The following MYO1E variants were observed in gnomAD, a reference collection of about 807,000 sequenced individuals.
MYO1E encodes the protein unconventional myosin-Ie.
MYO1E carries 68 observed loss-of-function variants against 151.1 expected under a neutral mutation model. The observed-to-expected ratio is 0.45, with a 90% CI of 0.37 to 0.55. MYO1E has a LOEUF of 0.55. MYO1E is among the 20% of genes least tolerant of loss of function. MYO1E has a pLI of 0.00. For synonymous variants in MYO1E, 601 were observed against 501.7 expected, an observed-to-expected ratio of 1.20 and a Z score of -2.64; for missense variants, 1,363 against 1,389.3, an observed-to-expected ratio of 0.98 and a Z score of 0.30.
At chr15:59,276,419 G>A (rs1160983935) in intron 1 of MYO1E, among the ~76,000 whole-genome samples, 1 of 152,170 alleles carries the variant, frequency 6.6e-6, no homozygotes, top group African/African-American at 2.4e-5. Flanking sequence ...ACAAAGGGAG[G>A]AGGGCAGTGG....
chr15:59,308,564 T>C lies in MYO1E; in HGVS notation c.4-36115A>G, dbSNP rs368335889. Among the ~76,000 whole-genome samples, 23 of 150,338 alleles carry C rather than the reference T, an allele frequency of 1.5e-4. No homozygotes were observed. In the East Asian group the frequency reaches 4.3e-3, roughly 28 times the overall value. On this transcript the variant is annotated intron_variant, in intron 1 of 27. Transcript: ENST00000288235. The stretch of plus-strand genomic sequence containing the variant: ...GCCCACACCTGTAATCCCAGCTACA[T>C]GGGAGGCTGAGGCAGGAGAATCACT...
rs554054411 is a variant in MYO1E, at chr15:59,209,601, G to C, written c.1363-753C>G. On this transcript the variant is annotated intron_variant, in intron 13 of 27. Transcript: ENST00000288235. ...TGAGACAGGAGAATCGCTTGAACCC[G>C]GGAGGTGGAGGTTACAGTGAGCCAA... 3.9e-5 allele frequency among the ~76,000 whole-genome samples: 6 copies of C among 151,962 alleles called. No individual in the cohort carries two copies. The South Asian group carries it at 1.0e-3, about 26-fold the overall frequency.
chr15:59,356,629 GTC>G (rs536174858), intron 1 of MYO1E, among the ~76,000 whole-genome samples: 1 of 152,112 alleles, frequency 6.6e-6, no homozygotes. Context: ...CTGAAACAGG[GTC>G]TCTCTCTGCA....
chr15:59,314,791 C>T (rs1339971229), intron 1 of MYO1E, among the ~76,000 whole-genome samples: 12 of 152,134 alleles, frequency 7.9e-5, no homozygotes, highest in African/African-American at 2.9e-4. Context: ...AAATAACTCT[C>T]TGGCCTAAAA....
chr15:59,362,377 T>C (rs1487351832), intron 1 of MYO1E, among the ~76,000 whole-genome samples: 2 of 152,206 alleles, frequency 1.3e-5, no homozygotes, highest in Non-Finnish European at 2.9e-5. Flanking sequence ...ATTTAGATTG[T>C]TCCTGTTTTG....
intron 4 of MYO1E, among the ~76,000 whole-genome samples, chr15:59,243,758 T>A (rs2080113713): frequency 6.6e-6 from 1 of 152,118 alleles, no homozygotes. Flanking sequence ...ATTTATTACC[T>A]CACGCAGAGT....
chr15:59,180,950 T>C (rs1411289944), intron 18 of MYO1E, among the ~76,000 whole-genome samples: 1 of 152,222 alleles, frequency 6.6e-6, no homozygotes, highest in Non-Finnish European at 1.5e-5. Context: ...CAGCTCCTCT[T>C]TCTGCCTGGA....
At chr15:59,191,322 CAGACAG>C (rs1316053458) in intron 17 of MYO1E, among the ~76,000 whole-genome samples, 7 of 104,252 alleles carry the variant, frequency 6.7e-5, no homozygotes, top group African/African-American at 4.1e-4. Flanking sequence ...ATAAGTCAGA[CAGACAG>C]AGACAGAGAG....
chr15:59,291,114 T>C (rs1254686279), intron 1 of MYO1E, among the ~76,000 whole-genome samples: 1 of 152,218 alleles, frequency 6.6e-6, no homozygotes, highest in Non-Finnish European at 1.5e-5. Flanking sequence ...CAAGCATATC[T>C]GCAAAAACAT....
At chr15:59,204,305 C>T (rs76411843) in intron 15 of MYO1E, among the ~76,000 whole-genome samples, 5,190 of 152,238 alleles carry the variant, frequency 0.034, 307 homozygotes, top group African/African-American at 0.12. Context: ...GAGAAGTAAA[C>T]GGAGCAGAAC....
intron 2 of MYO1E, among the ~76,000 whole-genome samples, chr15:59,267,903 C>T (rs1429865495): frequency 2.0e-5 from 3 of 152,234 alleles, no homozygotes; most frequent in South Asian, 4.1e-4. Flanking sequence ...TATTGGTAAA[C>T]GATGTCAGCA....
Position 59,208,816 on chromosome 15 carries a change from G to T in MYO1E, c.1395C>A (p.Asp465Glu), listed in dbSNP as rs759846809. The change falls in exon 14 of 28, where the codon GAC becomes GAA. Residue 465 changes from aspartate to glutamate, a missense_variant. By Grantham distance (45) the Asp-to-Glu change is conservative. Transcript: ENST00000288235. ...NPPGIMSILD[D>E]VCATMHAVGE... ...CCACCGCATGCATCGTGGCGCACAC[G>T]TCATCCAGGATGCTCATGATGCCAG... is the stretch of plus-strand genomic sequence containing the variant. 1 of 1,614,166 alleles carries T rather than the reference G, an allele frequency of 6.2e-7. No homozygotes were observed. Among genetic ancestry groups the T allele is most frequent in the Non-Finnish European group, 8.5e-7 (1 of 1,180,036 alleles).
intron 4 of MYO1E, among the ~76,000 whole-genome samples, chr15:59,253,358 A>T (rs1272038521): frequency 1.3e-5 from 2 of 152,194 alleles, no homozygotes; most frequent in African/African-American, 4.8e-5. Context: ...ATGGCTCTGA[A>T]ATGATTTATA....
chr15:59,315,683 G>A (rs2080584134), intron 1 of MYO1E, among the ~76,000 whole-genome samples: 1 of 152,166 alleles, frequency 6.6e-6, no homozygotes, highest in Non-Finnish European at 1.5e-5. Flanking sequence ...AGACTGTGAG[G>A]AAGATTGAAT....
intron 9 of MYO1E, chr15:59,218,432 C>T (rs772822956): frequency 4.9e-5 from 20 of 404,706 alleles, no homozygotes; most frequent in African/African-American, 6.1e-5. Flanking sequence ...GCTTCCAGCA[C>T]GACAGCCAGG....
At chr15:59,292,013 T>C (rs966510285) in intron 1 of MYO1E, among the ~76,000 whole-genome samples, 8 of 152,232 alleles carry the variant, frequency 5.3e-5, no homozygotes, top group African/African-American at 1.9e-4. Flanking sequence ...ATAGTTCACA[T>C]GCTAAATAGC....
At chr15:59,151,055 G>A (rs559293133) in intron 26 of MYO1E, among the ~76,000 whole-genome samples, 1,933 of 143,744 alleles carry the variant, frequency 0.013, 48 homozygotes, top group East Asian at 0.045. Context: ...ACACACGCGC[G>A]CGCGCGCACG....
intron 1 of MYO1E, among the ~76,000 whole-genome samples, chr15:59,280,689 T>A (rs1206180586): frequency 6.6e-6 from 1 of 152,138 alleles, no homozygotes; most frequent in African/African-American, 2.4e-5. Context: ...AGTTTTTTTT[T>A]ATTTTTCAAT....
At position 59,196,773 on chromosome 15, in the gene MYO1E, A is replaced by C. The variant is rs1308324271; in HGVS notation, c.1699-1206T>G. ...TGCAGAGGTTGCATGATCAAAGCAAAGCCCTATGATGAAAAAGTAAATTGC... is the reference window on the plus strand; with the variant it reads ...TGCAGAGGTTGCATGATCAAAGCAACGCCCTATGATGAAAAAGTAAATTGC... On this transcript the variant is annotated intron_variant, in intron 16 of 27. Transcript: ENST00000288235. Among the ~76,000 whole-genome samples, 3 of 152,166 alleles carry C rather than the reference A, an allele frequency of 2.0e-5. No homozygotes were observed. In the South Asian group the frequency reaches 6.2e-4, roughly 31 times the overall value.
Sources: allele counts gnomAD v4.1 joint callset (sites outside exome capture counted in the v4.1 genomes callset), GRCh38; gene constraint gnomAD v4.1.1; transcripts MANE v1.5; gene names NCBI Gene and HGNC (gene_info 2026-07-23, HGNC 2026-07-21).